PHF14: variants seen among roughly 807,000 people sequenced by gnomAD.
PHF14 encodes PHD finger protein 14.
Under a neutral mutation model 117.9 loss-of-function variants are expected in PHF14, and 55 were observed. That is an observed-to-expected ratio of 0.47 (90% CI 0.38 to 0.58). PHF14 has a LOEUF of 0.58. Among genes scored for constraint, PHF14 ranks in the 20% least tolerant of loss-of-function variants. PHF14 has a pLI of 0.00. For missense variants in PHF14, 978 were observed against 1,122.2 expected, an observed-to-expected ratio of 0.87 and a Z score of 1.84; for synonymous variants, 409 against 368.6, an observed-to-expected ratio of 1.11 and a Z score of -1.26.
chr7:11,059,255 TAAAAG>T (rs1031656835), intron 14 of PHF14, among the ~76,000 whole-genome samples: 3 of 152,150 alleles, frequency 2.0e-5, no homozygotes, highest in African/African-American at 7.2e-5. Context: ...TAAACATCCT[TAAAAG>T]AATTGAAAAC....
chr7:11,104,832 T>A (rs1276422406), intron 16 of PHF14: 1 of 803,772 alleles, frequency 1.2e-6, no homozygotes, highest in Admixed American at 6.3e-5. Context: ...ATGCTGATGC[T>A]ACTGGCCTGG....
In PHF14 at chr7:10,990,689, T is replaced by C. The variant is rs1256300859; in HGVS notation, c.901-14T>C. The C allele has an allele frequency of 5.5e-6, 8 of 1,452,112 alleles. No individual in the cohort carries two copies. In the African/African-American group the frequency reaches 5.7e-5, roughly 10 times the overall value. The allele number at this position is 1,452,112 out of a possible 1,614,324, so 90.0% of individuals were successfully genotyped here. A position where few individuals can be genotyped will look rare whatever the true frequency, so the allele number is the denominator to read the frequency against. On this transcript the variant is annotated splice_polypyrimidine_tract_variant and intron_variant, in intron 3 of 17. Coordinates refer to ENST00000634607, the MANE Select transcript of PHF14 (RefSeq NM_001007157.2). ...AATGTGATTTTCTGATATATGTTAA[T>C]ATTTTAATATTAGGACTCGCTGATT...
In PHF14 at chr7:11,094,246, A is replaced by G. The variant is rs577284182; in HGVS notation, c.2655-17104A>G. ...TACAAATTTGGTAGCTTAAAACAAT[A>G]TAAAATTTTTTCATAATTTTGGAAG... On this transcript the variant is annotated intron_variant, in intron 16 of 17. Transcript: ENST00000634607. Among the ~76,000 whole-genome samples, 325 of 152,352 alleles carry G rather than the reference A, an allele frequency of 2.1e-3. 1 individual carries two copies. Among genetic ancestry groups the G allele is most frequent in the African/African-American group, 7.4e-3 (309 of 41,584 alleles).
At chr7:11,035,311 C>T (rs1470610811) in intron 7 of PHF14, among the ~76,000 whole-genome samples, 3 of 152,006 alleles carry the variant, frequency 2.0e-5, no homozygotes, top group Non-Finnish European at 4.4e-5. Context: ...TTTTGGTATC[C>T]TTGGGGGGTC....
At chr7:11,000,334 C>CTTTTTTTTTTTTTTTT (rs71023882) in intron 4 of PHF14, among the ~76,000 whole-genome samples, 1 of 60,346 alleles carries the variant, frequency 1.7e-5, no homozygotes. Flanking sequence ...GCTTATTTGC[C>CTTTTTTTTTTTTTTTT]TTTTTTTTTT....
At chr7:11,110,536 C>G in intron 16 of PHF14, 1 of 980,910 alleles carries the variant, frequency 1.0e-6, no homozygotes, top group Non-Finnish European at 1.2e-6. Context: ...ATGAGATTGT[C>G]TGAAACGAAG....
At chr7:11,138,566 G>A (rs1056486508) in intron 17 of PHF14, among the ~76,000 whole-genome samples, 1 of 152,102 alleles carries the variant, frequency 6.6e-6, no homozygotes, top group Non-Finnish European at 1.5e-5. Context: ...CATCAATTGT[G>A]ATAATTAAGC....
chr7:10,982,308 TTG>T (rs879230535), intron 2 of PHF14, 62 bp from the exon 3 acceptor site: 10,515 of 907,414 alleles, frequency 0.012, no homozygotes, highest in South Asian at 0.017. Context: ...TGTGTCAGCG[TTG>T]TGTGTGTGTG....
intron 4 of PHF14, among the ~76,000 whole-genome samples, chr7:11,012,867 T>G (rs923012448): frequency 3.9e-5 from 6 of 152,224 alleles, no homozygotes; most frequent in African/African-American, 1.4e-4. Context: ...AGTTAGAGAT[T>G]GGCTCAGTTG....
intron 4 of PHF14, among the ~76,000 whole-genome samples, chr7:11,000,536 G>T (rs893132248): frequency 6.6e-6 from 1 of 151,734 alleles, no homozygotes; most frequent in Non-Finnish European, 1.5e-5. Flanking sequence ...ATGGGGTTTT[G>T]CCATGTTGGC....
chr7:11,090,410 C>T (rs1327678255), intron 16 of PHF14, among the ~76,000 whole-genome samples: 1 of 152,126 alleles, frequency 6.6e-6, no homozygotes, highest in Admixed American at 6.5e-5. Flanking sequence ...AATAACTTTC[C>T]TTATAAGTGA....
chr7:11,168,903 T>A (rs1051770655), intron 17 of PHF14, among the ~76,000 whole-genome samples: 1 of 152,060 alleles, frequency 6.6e-6, no homozygotes, highest in Non-Finnish European at 1.5e-5. Flanking sequence ...CCACTTAGAA[T>A]TGAAACTGTA....
chr7:11,140,416 T>C (rs567794638), intron 17 of PHF14, among the ~76,000 whole-genome samples: 35 of 152,280 alleles, frequency 2.3e-4, no homozygotes, highest in African/African-American at 7.7e-4. Flanking sequence ...AGGGCTGATA[T>C]GTAGGTCTAT....
At chr7:11,010,730 A>C (rs1783326012) in intron 4 of PHF14, among the ~76,000 whole-genome samples, 2 of 151,882 alleles carry the variant, frequency 1.3e-5, no homozygotes, top group Admixed American at 6.6e-5. Context: ...GTTCACTGGC[A>C]CCCTCCACAT....
At chr7:11,074,192 G>A (rs879324695) in intron 16 of PHF14, among the ~76,000 whole-genome samples, 8 of 151,778 alleles carry the variant, frequency 5.3e-5, no homozygotes, top group Non-Finnish European at 7.4e-5. Context: ...TCCTGAAAAT[G>A]CCTTTCCTTT....
intron 8 of PHF14, 135 bp from the exon 9 acceptor site, chr7:11,036,283 A>G (rs1183494033): frequency 1.4e-6 from 1 of 703,228 alleles, no homozygotes; most frequent in Non-Finnish European, 2.4e-6. Flanking sequence ...AGGATCATTC[A>G]TACCTATAAT....
intron 17 of PHF14, among the ~76,000 whole-genome samples, chr7:11,166,279 C>T (rs956247978): frequency 6.6e-6 from 1 of 151,580 alleles, no homozygotes; most frequent in Middle Eastern, 3.2e-3. Context: ...TCCATGTAGC[C>T]AGGGTCTTCT....
At chr7:11,028,894 A>C in intron 7 of PHF14, 76 bp downstream of exon 7, 1 of 1,203,348 alleles carries the variant, frequency 8.3e-7, no homozygotes, top group Non-Finnish European at 1.2e-6. Context: ...TAATAAGTGT[A>C]AATAATAAAA....
intron 16 of PHF14, among the ~76,000 whole-genome samples, chr7:11,086,407 C>T (rs1022768632): frequency 1.7e-4 from 26 of 152,186 alleles, no homozygotes; most frequent in African/African-American, 6.3e-4. Flanking sequence ...TTTATGCCAT[C>T]TTGCTTTTAT....
Sources: allele counts gnomAD v4.1 joint callset (sites outside exome capture counted in the v4.1 genomes callset), GRCh38; gene constraint gnomAD v4.1.1; transcripts MANE v1.5; gene names NCBI Gene and HGNC (gene_info 2026-07-23, HGNC 2026-07-21).